The following KCNMA1 variants were observed in gnomAD, a reference collection of about 807,000 sequenced individuals.
KCNMA1 encodes the protein potassium calcium-activated channel subfamily M alpha 1, also known as Calcium-activated potassium channel subunit alpha-1.
In KCNMA1, 29 loss-of-function variants were observed where a neutral mutation model predicts 140.0. The ratio of observed to expected loss-of-function variants is 0.21; its 90% CI spans 0.15 to 0.28. The LOEUF (loss-of-function observed/expected upper bound fraction) is 0.28. Ranked by LOEUF, KCNMA1 falls within the 10% of genes least tolerant of loss-of-function variation. The probability of loss-of-function intolerance (pLI) is 1.00; values close to 1 mark genes in which losing one functional copy is unlikely to be tolerated. For synonymous variants in KCNMA1, 612 were observed against 611.9 expected, an observed-to-expected ratio of 1.00 and a Z score of 0.00; for missense variants, 880 against 1,602.2, an observed-to-expected ratio of 0.55 and a Z score of 7.70.
chr10:77,234,419 CT>C (rs1179625857), intron 3 of KCNMA1, among the ~76,000 whole-genome samples: 1 of 152,164 alleles, frequency 6.6e-6, no homozygotes, highest in Non-Finnish European at 1.5e-5. Flanking sequence ...CTTTCTGATA[CT>C]GGAATGTAAG....
At chr10:76,945,013 G>A in intron 22 of KCNMA1, 48 bp from the exon 23 acceptor site, 1 of 1,497,084 alleles carries the variant, frequency 6.7e-7, no homozygotes, top group African/African-American at 1.4e-5. Context: ...GGGAGAAAGA[G>A]ACAGAGAGAG....
chr10:77,358,856 T>C (rs1025035248), intron 2 of KCNMA1, among the ~76,000 whole-genome samples: 1 of 152,226 alleles, frequency 6.6e-6, no homozygotes, highest in Non-Finnish European at 1.5e-5. Flanking sequence ...GCCTGGTTCT[T>C]CTTTGTCTTC....
intron 1 of KCNMA1, among the ~76,000 whole-genome samples, chr10:77,587,317 T>A (rs1409479664): frequency 6.6e-6 from 1 of 152,124 alleles, no homozygotes; most frequent in Admixed American, 6.5e-5. Context: ...AATATAGGCT[T>A]ATGTAAACAG....
chr10:77,425,898 C>A (rs2096977677), intron 1 of KCNMA1, among the ~76,000 whole-genome samples: 1 of 152,120 alleles, frequency 6.6e-6, no homozygotes, highest in Non-Finnish European at 1.5e-5. Context: ...CCACACAGGG[C>A]CTTGGTTTCT....
intron 15 of KCNMA1, 168 bp downstream of exon 15, chr10:77,039,360 C>T: frequency 1.5e-6 from 1 of 669,356 alleles, no homozygotes; most frequent in Non-Finnish European, 2.7e-6. Context: ...CAGGCAGAGG[C>T]CATGTAATGA....
intron 1 of KCNMA1, among the ~76,000 whole-genome samples, chr10:77,551,575 G>A (rs563340345): frequency 1.4e-4 from 22 of 152,168 alleles, no homozygotes; most frequent in African/African-American, 1.9e-4. Context: ...GCCAGGAACC[G>A]TTTCCAACTA....
At chr10:77,338,698 C>T (rs1218773266) in intron 2 of KCNMA1, among the ~76,000 whole-genome samples, 3 of 152,210 alleles carry the variant, frequency 2.0e-5, no homozygotes, top group African/African-American at 7.2e-5. Flanking sequence ...GCTTGTTCAT[C>T]TGGGCAGGTT....
chr10:77,480,280 C>T (rs150733068), intron 1 of KCNMA1, among the ~76,000 whole-genome samples: 2 of 152,334 alleles, frequency 1.3e-5, no homozygotes, highest in Admixed American at 6.5e-5. Context: ...TGGCCCTGCC[C>T]GCCTCCCATC....
chr10:77,144,620 T>C (rs890444038), intron 5 of KCNMA1, among the ~76,000 whole-genome samples: 3 of 152,224 alleles, frequency 2.0e-5, no homozygotes, highest in Non-Finnish European at 4.4e-5. Flanking sequence ...TGGGCTGCCA[T>C]GTTAGATGGT....
intron 2 of KCNMA1, among the ~76,000 whole-genome samples, chr10:77,280,460 CA>C (rs2068101900): frequency 6.6e-6 from 1 of 152,218 alleles, no homozygotes; most frequent in Non-Finnish European, 1.5e-5. Context: ...TCTGTTTCCA[CA>C]TTCATTTAAA....
At chr10:77,509,785 G>A (rs186431549) in intron 1 of KCNMA1, among the ~76,000 whole-genome samples, 174 of 152,294 alleles carry the variant, frequency 1.1e-3, no homozygotes, top group Non-Finnish European at 1.9e-3. Flanking sequence ...TTAACGTTAT[G>A]TTTTAAAACT....
chr10:77,276,991 C>T (rs1344409604), intron 2 of KCNMA1, among the ~76,000 whole-genome samples: 2 of 152,098 alleles, frequency 1.3e-5, no homozygotes, highest in African/African-American at 4.8e-5. Context: ...GTCCTGTAGC[C>T]AGTAAATGAC....
intron 2 of KCNMA1, among the ~76,000 whole-genome samples, chr10:77,261,755 T>C (rs1391570573): frequency 2.6e-5 from 4 of 152,204 alleles, no homozygotes; most frequent in African/African-American, 2.4e-5. Context: ...ACCGATGCAC[T>C]GGCAAGCATG....
At chr10:77,008,326 T>A in intron 18 of KCNMA1, 1 of 847,572 alleles carries the variant, frequency 1.2e-6, no homozygotes, top group South Asian at 1.9e-5. Context: ...AGACATTACT[T>A]GTCCACTAGG....
At chr10:77,626,201 C>A (rs2092489461) in intron 1 of KCNMA1, among the ~76,000 whole-genome samples, 1 of 151,952 alleles carries the variant, frequency 6.6e-6, no homozygotes, top group Non-Finnish European at 1.5e-5. Context: ...TGTGAAAGAA[C>A]TTAAGAAATG....
chr10:77,040,316 A>G (rs549185149), intron 14 of KCNMA1, among the ~76,000 whole-genome samples: 2 of 152,326 alleles, frequency 1.3e-5, no homozygotes, highest in South Asian at 4.1e-4. Context: ...AGTCTTTTAC[A>G]CTACAATTCC....
intron 14 of KCNMA1, among the ~76,000 whole-genome samples, chr10:77,054,266 A>G (rs900465687): frequency 3.3e-5 from 5 of 152,220 alleles, no homozygotes; most frequent in African/African-American, 1.2e-4. Context: ...CACAGATAGA[A>G]ATGTCCTTCT....
rs1381927264 is a variant in KCNMA1, at chr10:77,037,808, GC to G, written c.1859+1719del. 8.5e-5 allele frequency among the ~76,000 whole-genome samples: 13 copies of G among 152,248 alleles called. No homozygotes were observed. The East Asian group carries it at 2.5e-3, about 29-fold the overall frequency. ...TTATAAAACTAGCTTCTGTTAAAAA[GC>G]CTGCTTTCCCCCGGGGCTTTGTATC... On this transcript the variant is annotated intron_variant, in intron 15 of 27. Transcript: ENST00000286628.
At chr10:77,025,242 G>GTATATATATATATATATATA (rs1183311699) in intron 16 of KCNMA1, among the ~76,000 whole-genome samples, 2 of 42,712 alleles carry the variant, frequency 4.7e-5, no homozygotes, top group African/African-American at 7.7e-5. Context: ...GGGTGTGTGT[G>GTATATATATATATATATATA]TATATATATA....
Sources: gnomAD v4.1 joint callset for allele counts (sites outside exome capture counted in the v4.1 genomes callset) on GRCh38, gnomAD v4.1.1 for gene constraint, MANE v1.5 for transcripts, NCBI Gene and HGNC (gene_info 2026-07-23, HGNC 2026-07-21) for gene names.